PCYT2: variants seen among roughly 807,000 people sequenced by gnomAD.
The protein encoded by PCYT2 is phosphate cytidylyltransferase 2, ethanolamine, also known as ethanolamine-phosphate cytidylyltransferase.
Under a neutral mutation model 50.0 loss-of-function variants are expected in PCYT2, and 33 were observed. The observed-to-expected ratio is 0.66, with a 90% CI of 0.50 to 0.88. PCYT2 has a LOEUF of 0.88. Ranked by LOEUF, PCYT2 falls within the 40% of genes least tolerant of loss-of-function variation. The pLI is 0.00. For missense variants in PCYT2, 430 were observed against 519.7 expected (o/e 0.83, Z 1.68); for synonymous variants, 240 against 203.7 (o/e 1.18, Z -1.52).
At position 81,902,671 on chromosome 17, in the gene PCYT2, C is replaced by G; in HGVS notation, c.*2162G>C. 2 of 1,608,024 alleles carry G rather than the reference C, an allele frequency of 1.2e-6. No homozygotes were observed. The highest frequency in any genetic ancestry group is 1.7e-6 in the Non-Finnish European group (2 of 1,178,632). On this transcript the variant is annotated 3_prime_UTR_variant, in exon 13 of 13. Transcript: ENST00000538936. ...AAACCTGCAGAGGTGCGAGCGGCTCCCCGACGGCCGCGGGACCTACCAGTG... is the reference window on the plus strand; with the variant it reads ...AAACCTGCAGAGGTGCGAGCGGCTCGCCGACGGCCGCGGGACCTACCAGTG...
At position 81,902,967 on chromosome 17, in the gene PCYT2, A is replaced by C; in HGVS notation, c.*1866T>G. 2 of 512,088 alleles carry C rather than the reference A, an allele frequency of 3.9e-6. No homozygotes were observed. The highest frequency in any genetic ancestry group is 6.8e-6 in the Non-Finnish European group (2 of 295,244). The allele number at this position is 512,088 out of a possible 1,614,324, so 31.7% of individuals were successfully genotyped here. Reference sequence around the variant, plus strand: ...GGGGAACGGGACCTGGAAATCCCCAAGCCTGGGTATGAGAAGGCAGCCGAG... The same window carrying C: ...GGGGAACGGGACCTGGAAATCCCCACGCCTGGGTATGAGAAGGCAGCCGAG... On this transcript the variant is annotated 3_prime_UTR_variant, in exon 13 of 13. Transcript: ENST00000538936.
chr17:81,907,466 G>A (rs1377912962), intron 6 of PCYT2, 88 bp downstream of exon 6: 4 of 1,408,598 alleles, frequency 2.8e-6, no homozygotes, highest in African/African-American at 1.4e-5. Flanking sequence ...GCTCTGGGCT[G>A]GCCTTTCCCC....
intron 10 of PCYT2, 52 bp downstream of exon 10, chr17:81,905,618 G>T: frequency 6.4e-7 from 1 of 1,566,898 alleles, no homozygotes; most frequent in Non-Finnish European, 8.8e-7. Context: ...CCCAGCCCAT[G>T]CAGGAACAGA....
chr17:81,907,170 G>A (rs988333923), intron 6 of PCYT2: 7 of 1,495,672 alleles, frequency 4.7e-6, no homozygotes, highest in Non-Finnish European at 6.2e-6. Flanking sequence ...GCCCTTGGGA[G>A]GGACCTGGTA....
At chr17:81,909,631 C>A in intron 1 of PCYT2, 29 bp from the exon 2 acceptor site, 1 of 1,579,876 alleles carries the variant, frequency 6.3e-7, no homozygotes, top group Non-Finnish European at 8.7e-7. Context: ...TGGGTGGTCC[C>A]TGTGCCAAGG....
rs2039963302 is a variant in PCYT2 at position 81,901,822 on chromosome 17, T to G, written c.*3011A>C. 1 of 153,494 alleles carries G rather than the reference T, an allele frequency of 6.5e-6. No homozygotes were observed. The highest frequency in any genetic ancestry group is 1.9e-4 in the East Asian group (1 of 5,240). 9.5% of individuals were successfully genotyped at this position (153,494 alleles called of 1,614,324 possible). On this transcript the variant is annotated 3_prime_UTR_variant, in exon 13 of 13. Transcript: ENST00000538936. ...TGAGGGCCCCACAAGCCACATGGACTCTGATGCCTGGAGCCAAGAATACCC... is the reference window on the plus strand; with the variant it reads ...TGAGGGCCCCACAAGCCACATGGACGCTGATGCCTGGAGCCAAGAATACCC...
rs905191833 is a variant in PCYT2, at chr17:81,902,284, C to T, written c.*2549G>A. On this transcript the variant is annotated 3_prime_UTR_variant, in exon 13 of 13. Transcript: ENST00000538936. Reference sequence around the variant, plus strand: ...CCAGTCAGCCGGCGTCCCCATGGCCCGGTCCGCGACACTGGCGGCCGCCGC... The same window carrying T: ...CCAGTCAGCCGGCGTCCCCATGGCCTGGTCCGCGACACTGGCGGCCGCCGC... 25 of 1,309,154 alleles carry T rather than the reference C, an allele frequency of 1.9e-5. No homozygotes were observed. The highest frequency in any genetic ancestry group is 4.6e-5 in the South Asian group (2 of 43,286). The allele number at this position is 1,309,154 out of a possible 1,614,324, so 81.1% of individuals were successfully genotyped here. A position where few individuals can be genotyped will look rare whatever the true frequency, so the allele number is the denominator to read the frequency against.
chr17:81,903,991 T>G lies in PCYT2; in HGVS notation c.*842A>C, dbSNP rs2040096985. 1 of 152,140 alleles carries G rather than the reference T, an allele frequency of 6.6e-6. No individual in the cohort carries two copies. Among genetic ancestry groups the G allele is most frequent in the Non-Finnish European group, 1.5e-5 (1 of 68,022 alleles). The allele number at this position is 152,140 out of a possible 1,614,324, so 9.4% of individuals were successfully genotyped here. On this transcript the variant is annotated 3_prime_UTR_variant, in exon 13 of 13. Transcript: ENST00000538936. ...GTGACAGGGGTGTGGGAGACAGAGATCCCATGGCCCCTGGAGGGGCCAAGG... is the reference window on the plus strand; with the variant it reads ...GTGACAGGGGTGTGGGAGACAGAGAGCCCATGGCCCCTGGAGGGGCCAAGG...
intron 6 of PCYT2, chr17:81,907,163 C>T: frequency 1.3e-6 from 2 of 1,481,934 alleles, no homozygotes. Flanking sequence ...GCACACAGCC[C>T]TTGGGAGGGA....
intron 11 of PCYT2, 27 bp from the exon 12 acceptor site, chr17:81,905,181 ATGAAG>A (rs2040186768): frequency 4.4e-6 from 7 of 1,585,546 alleles, no homozygotes; most frequent in Non-Finnish European, 6.0e-6. Flanking sequence ...GAGGAGCGGG[ATGAAG>A]GTCCCTGCTG....
intron 8 of PCYT2, 119 bp from the exon 9 acceptor site, chr17:81,906,296 C>A: frequency 9.0e-7 from 1 of 1,112,306 alleles, no homozygotes; most frequent in East Asian, 2.6e-5. Context: ...TGGGGATGCC[C>A]CAGACAGGAC....
rs959514530 is a variant in PCYT2 at position 81,903,092 on chromosome 17, G to C, written c.*1741C>G. 3.3e-6 allele frequency: 1 copy of C among 307,194 alleles called. No homozygotes were observed. Among genetic ancestry groups the C allele is most frequent in the East Asian group, 5.5e-5 (1 of 18,124 alleles). The allele number at this position is 307,194 out of a possible 1,614,324, so 19.0% of individuals were successfully genotyped here. A position where few individuals can be genotyped will look rare whatever the true frequency, so the allele number is the denominator to read the frequency against. On this transcript the variant is annotated 3_prime_UTR_variant, in exon 13 of 13. Transcript: ENST00000538936. ...CAGCCCCGCGGTGAAGCCGCGCCTA[G>C]CCTTGGTGCTCCCTGGGGGAAGTGC...
Position 81,908,563 on chromosome 17 carries a change from CT to C in PCYT2, c.407+4del. ...TGGATGGCCAGGCCCGCGGTGGAGA[CT>C]CACCTGTACCTCCCAGCCTGCTTTA... On this transcript the variant is annotated splice_donor_region_variant and intron_variant, in intron 4 of 12. Transcript: ENST00000538936. The C allele has an allele frequency of 6.2e-7, 1 of 1,610,648 alleles. No individual in the cohort carries two copies. The highest frequency in any genetic ancestry group is 1.1e-5 in the South Asian group (1 of 90,990).
intron 8 of PCYT2, 117 bp from the exon 9 acceptor site, chr17:81,906,294 C>T: frequency 8.9e-7 from 1 of 1,119,388 alleles, no homozygotes. Context: ...TGTGGGGATG[C>T]CCCAGACAGG....
rs2040179936 is a variant in PCYT2 at position 81,905,104 on chromosome 17, G to T, written c.1020C>A (p.Leu340=). The T allele has an allele frequency of 1.2e-6, 2 of 1,613,176 alleles. No homozygotes were observed. The highest frequency in any genetic ancestry group is 2.7e-5 in the African/African-American group (2 of 74,952). ...IFRQIDSGSN[L]TTDLIVQRII... ...TCCGCTGGACGATGAGGTCTGTGGT[G>T]AGGTTGCTGCCACTGTCAATCTGAC... The change falls in exon 12 of 13, where the codon CTC becomes CTA. Residue 340 remains leucine (L), a synonymous_variant. Coordinates refer to ENST00000538936, the MANE Select transcript of PCYT2 (RefSeq NM_002861.5).
chr17:81,911,348 C>T lies in PCYT2; in HGVS notation c.8G>A (p.Arg3Gln), dbSNP rs2040596818. ...GCCGCCTGCAGCCCCGCGCCCGTTCCGGATCATGGCCCCGCAGCGGCGGCG... is the reference window on the plus strand; with the variant it reads ...GCCGCCTGCAGCCCCGCGCCCGTTCTGGATCATGGCCCCGCAGCGGCGGCG... MI[R>Q]NGRGAAGGAE... The change falls in exon 1 of 13, where the codon CGG becomes CAG. Residue 3 changes from arginine (R) to glutamine (Q), a missense_variant. This residue lies in a region of PCYT2 where 63 missense variants were observed against 37.5 expected (regional missense o/e 1.68). Transcript: ENST00000538936. The T allele has an allele frequency of 8.3e-6, 9 of 1,078,182 alleles. No homozygotes were observed. The highest frequency in any genetic ancestry group is 1.0e-5 in the Non-Finnish European group (9 of 886,132). The allele number at this position is 1,078,182 out of a possible 1,614,324, so 66.8% of individuals were successfully genotyped here.
Position 81,906,563 on chromosome 17 carries a change from A to C in PCYT2, c.677-17T>G. The C allele has an allele frequency of 6.8e-6, 11 of 1,612,506 alleles. No homozygotes were observed. Among genetic ancestry groups the C allele is most frequent in the Non-Finnish European group, 9.3e-6 (11 of 1,179,194 alleles). On this transcript the variant is annotated splice_polypyrimidine_tract_variant and intron_variant, in intron 7 of 12. Coordinates refer to ENST00000538936, the MANE Select transcript of PCYT2 (RefSeq NM_002861.5). The stretch of plus-strand genomic sequence containing the variant: ...GCCCGATGTCTGCACCCAGGTTAAG[A>C]AGCAGTCGGGATGGGGATGACAGGG...
At position 81,902,468 on chromosome 17, in the gene PCYT2, C is replaced by T; in HGVS notation, c.*2365G>A. The stretch of plus-strand genomic sequence containing the variant: ...TCCCAGCCCTACAGAGGGGCGGAAC[C>T]CCCGGGCGGGGCCGGCGCCTCCCCG... On this transcript the variant is annotated 3_prime_UTR_variant, in exon 13 of 13. Transcript: ENST00000538936. The T allele has an allele frequency of 7.2e-7, 1 of 1,390,338 alleles. No homozygotes were observed. Among genetic ancestry groups the T allele is most frequent in the Non-Finnish European group, 9.2e-7 (1 of 1,081,248 alleles). The allele number at this position is 1,390,338 out of a possible 1,614,324, so 86.1% of individuals were successfully genotyped here.
Position 81,909,514 on chromosome 17 carries a change from C to G in PCYT2, c.178G>C (p.Glu60Gln). The G allele has an allele frequency of 6.2e-7, 1 of 1,612,508 alleles. No individual in the cohort carries two copies. The highest frequency in any genetic ancestry group is 2.2e-5 in the East Asian group (1 of 44,878). ...DYLIVGVHTD[E>Q]EIAKHKGPPV... ...GGTGGGCGAGGCCATCTGTGCTTAC[C>G]ATCGGTGTGCACGCCTACGATGAGG... The change falls in exon 2 of 13, where the codon GAG becomes CAG. Residue 60 changes from glutamate (E) to glutamine (Q), a missense_variant and splice_region_variant. Coordinates refer to ENST00000538936, the MANE Select transcript of PCYT2 (RefSeq NM_002861.5).
Sources: gnomAD v4.1 joint callset for allele counts on GRCh38, gnomAD v4.1.1 for gene constraint, gnomAD v4.1.1 regional missense constraint, MANE v1.5 for transcripts, NCBI Gene and HGNC (gene_info 2026-07-23, HGNC 2026-07-21) for gene names.